Variants in SHPK observed in about 807,000 individuals in gnomAD.
The protein encoded by SHPK is carbohydrate kinase-like protein.
In SHPK, 51 loss-of-function variants were observed where a neutral mutation model predicts 46.3. The ratio of observed to expected loss-of-function variants is 1.10; its 90% CI spans 0.88 to 1.39. The LOEUF is 1.39. Among genes scored for constraint, SHPK ranks in the 40% most tolerant of loss-of-function variants. SHPK has a pLI of 0.00. For missense variants in SHPK, 668 were observed against 641.3 expected (o/e 1.04, Z -0.45); for synonymous variants, 290 against 273.9 (o/e 1.06, Z -0.58).
intron 6 of SHPK, 91 bp from the exon 7 acceptor site, chr17:3,611,063 G>A (rs921035686): frequency 2.9e-5 from 34 of 1,178,894 alleles, no homozygotes; most frequent in Admixed American, 1.1e-4. Context: ...TGGGAACAGC[G>A]CTACTTGCTG....
At chr17:3,614,216 G>A (rs985681023) in intron 6 of SHPK, among the ~76,000 whole-genome samples, 3 of 152,134 alleles carry the variant, frequency 2.0e-5, no homozygotes, top group South Asian at 2.1e-4. Context: ...ACCCCGCACC[G>A]TGCTTCTTTA....
Position 3,631,512 on chromosome 17 carries a change from C to CTTTTTTTTTTTTTTT in SHPK, c.169-1181_169-1167dup, listed in dbSNP as rs371958939. ...AAAATATACACTATCTAATTTAATG[C>CTTTTTTTTTTTTTTT]TTTTTTTTTTTTTTTTTTTTTTTTT... On this transcript the variant is annotated intron_variant, in intron 1 of 6. Coordinates refer to ENST00000225519, the MANE Select transcript of SHPK (RefSeq NM_013276.4). 3.8e-4 allele frequency among the ~76,000 whole-genome samples: 20 copies of CTTTTTTTTTTTTTTT among 53,052 alleles called. 7 individuals are homozygous for CTTTTTTTTTTTTTTT. The highest frequency in any genetic ancestry group is 1.3e-3 in the African/African-American group (15 of 11,294). The allele number at this position is 53,052 out of a possible 152,430, so 34.8% of individuals were successfully genotyped here. A position where few individuals can be genotyped will look rare whatever the true frequency, so the allele number is the denominator to read the frequency against.
At position 3,610,346 on chromosome 17, in the gene SHPK, C is replaced by T. The variant is rs367876529; in HGVS notation, c.*214G>A. 3.8e-4 allele frequency: 215 copies of T among 559,942 alleles called. 3 individuals carry two copies. The South Asian group carries it at 4.7e-3, about 12-fold the overall frequency. 34.7% of individuals were successfully genotyped at this position (559,942 alleles called of 1,614,324 possible). A position where few individuals can be genotyped will look rare whatever the true frequency, so the allele number is the denominator to read the frequency against. ...AAATAGCTCCCAGGTGGGTCAATTT[C>T]GGAAGGCACTCATTTGGGATCTGGC... On this transcript the variant is annotated 3_prime_UTR_variant, in exon 7 of 7. Transcript: ENST00000225519.
rs2075318708 is a variant in SHPK, at chr17:3,608,970, C to A, written c.*1590G>T. ...GCAATGGCGCGATCTCAGCTCACTGCAACCTCTGCCTCCCGAGTTCAAGTG... is the reference window on the plus strand; with the variant it reads ...GCAATGGCGCGATCTCAGCTCACTGAAACCTCTGCCTCCCGAGTTCAAGTG... On this transcript the variant is annotated 3_prime_UTR_variant, in exon 7 of 7. Coordinates refer to ENST00000225519, the MANE Select transcript of SHPK (RefSeq NM_013276.4). 6.6e-6 allele frequency: 1 copy of A among 152,432 alleles called. No individual in the cohort carries two copies. The highest frequency in any genetic ancestry group is 6.5e-5 in the Admixed American group (1 of 15,284). The allele number at this position is 152,432 out of a possible 1,614,324, so 9.4% of individuals were successfully genotyped here. A position where few individuals can be genotyped will look rare whatever the true frequency, so the allele number is the denominator to read the frequency against.
At chr17:3,622,286 A>G (rs924509015) in intron 4 of SHPK, among the ~76,000 whole-genome samples, 7 of 152,218 alleles carry the variant, frequency 4.6e-5, no homozygotes, top group Non-Finnish European at 7.3e-5. Context: ...ACTGGCTTTC[A>G]TAAGCTTAGG....
chr17:3,620,888 C>T (rs931139218), intron 5 of SHPK, among the ~76,000 whole-genome samples: 5 of 152,230 alleles, frequency 3.3e-5, no homozygotes, highest in Non-Finnish European at 7.3e-5. Flanking sequence ...GATCTGACAT[C>T]ACTTCCAACA....
intron 1 of SHPK, among the ~76,000 whole-genome samples, chr17:3,634,535 G>GCACTC (rs983705090): frequency 1.5e-4 from 21 of 139,150 alleles, no homozygotes; most frequent in Non-Finnish European, 1.8e-4. Context: ...TTGCACCACT[G>GCACTC]CACTCCAGCC....
chr17:3,616,750 T>C (rs981671673), intron 5 of SHPK, among the ~76,000 whole-genome samples: 1 of 152,198 alleles, frequency 6.6e-6, no homozygotes, highest in African/African-American at 2.4e-5. Context: ...TTTTTGCTTT[T>C]GTTTTTCAGA....
chr17:3,619,451 G>C (rs998675883), intron 5 of SHPK: 1 of 1,347,752 alleles, frequency 7.4e-7, no homozygotes, highest in African/African-American at 1.4e-5. Flanking sequence ...TTTGGACGGA[G>C]AGGCCGGGCA....
Position 3,615,345 on chromosome 17 carries a change from G to A in SHPK, c.1016C>T (p.Ala339Val), listed in dbSNP as rs937088195. The A allele has an allele frequency of 6.2e-7, 1 of 1,613,920 alleles. No individual in the cohort carries two copies. The highest frequency in any genetic ancestry group is 8.5e-7 in the Non-Finnish European group (1 of 1,179,894). The change falls in exon 6 of 7, where the codon GCA (alanine) becomes GTA (valine). Residue 339 changes from alanine (A) to valine (V), a missense_variant. Ala to Val is a moderately conservative substitution (Grantham distance 64). Coordinates refer to ENST00000225519, the MANE Select transcript of SHPK (RefSeq NM_013276.4). ...TFVHMLVQWM[A>V]DLGLEVEEST... ...TGTGGGCCACACCTTACCTAGATCT[G>A]CCATCCACTGAACCAGCATGTGGAC...
intron 1 of SHPK, among the ~76,000 whole-genome samples, chr17:3,635,190 G>T (rs1335567383): frequency 9.9e-6 from 1 of 100,778 alleles, no homozygotes; most frequent in Non-Finnish European, 2.1e-5. Context: ...AGAAAGGAAA[G>T]AATGAAGGAA....
At chr17:3,634,347 A>C (rs375707824) in intron 1 of SHPK, among the ~76,000 whole-genome samples, 3 of 151,960 alleles carry the variant, frequency 2.0e-5, no homozygotes, top group African/African-American at 7.2e-5. Flanking sequence ...AGGCAGGCAG[A>C]TCAGTTGAGG....
In SHPK at chr17:3,636,238, A is replaced by C; in HGVS notation, c.-19T>G. 4 of 1,583,758 alleles carry C rather than the reference A, an allele frequency of 2.5e-6. No homozygotes were observed. The highest frequency in any genetic ancestry group is 3.4e-6 in the Non-Finnish European group (4 of 1,160,200). On this transcript the variant is annotated 5_prime_UTR_variant, in exon 1 of 7. Transcript: ENST00000225519. The stretch of plus-strand genomic sequence containing the variant: ...CAGCCATTATCTCCCTGACCCGCGC[A>C]GCTCCAGTCTGCAGCCAGCGGCCCC...
chr17:3,633,583 T>C (rs1055266087), intron 1 of SHPK, among the ~76,000 whole-genome samples: 5 of 152,122 alleles, frequency 3.3e-5, no homozygotes, highest in Admixed American at 6.6e-5. Context: ...GGGGGGTTAA[T>C]GACTGGCCTC....
rs1405779917 is a variant in SHPK at position 3,624,230 on chromosome 17, G to A, written c.312C>T (p.Gly104=). The change falls in exon 3 of 7, where the codon GGC becomes GGT. Residue 104 remains glycine, a splice_region_variant and synonymous_variant. Transcript: ENST00000225519. ...TAATCCCTCCCTCTGTCCATTCACA[G>A]CCTGGAACAAAAGAGATGACCAAAA... ...HGVVFWKTGQ[G]CEWTEGGITP... 6.2e-7 allele frequency: 1 copy of A among 1,605,528 alleles called. No homozygotes were observed. Among genetic ancestry groups the A allele is most frequent in the South Asian group, 1.1e-5 (1 of 90,700 alleles).
chr17:3,614,610 G>A (rs1432440228), intron 6 of SHPK, among the ~76,000 whole-genome samples: 1 of 152,140 alleles, frequency 6.6e-6, no homozygotes, highest in African/African-American at 2.4e-5. Context: ...CACTTTGGGA[G>A]GCCGAGGCGG....
intron 1 of SHPK, among the ~76,000 whole-genome samples, chr17:3,631,512 C>CCTTTTTT (rs2075471665): frequency 7.5e-5 from 4 of 53,036 alleles, no homozygotes; most frequent in African/African-American, 3.5e-4. Context: ...TAATTTAATG[C>CCTTTTTT]TTTTTTTTTT....
chr17:3,627,200 C>A (rs1436738399), intron 2 of SHPK, among the ~76,000 whole-genome samples: 3 of 152,120 alleles, frequency 2.0e-5, no homozygotes, highest in African/African-American at 7.2e-5. Flanking sequence ...TATTCACTAC[C>A]AGATATTTTC....
At chr17:3,623,985 G>C in intron 3 of SHPK, 63 bp downstream of exon 3, 1 of 1,481,490 alleles carries the variant, frequency 6.7e-7, no homozygotes, top group Non-Finnish European at 9.2e-7. Flanking sequence ...TGCTGACGCA[G>C]CCCCGGCCTA....
Sources: allele counts gnomAD v4.1 joint callset (sites outside exome capture counted in the v4.1 genomes callset), GRCh38; gene constraint gnomAD v4.1.1; transcripts MANE v1.5; gene names NCBI Gene and HGNC (gene_info 2026-07-23, HGNC 2026-07-21).